TBL1X: variants seen among roughly 807,000 people sequenced by gnomAD.
The protein encoded by TBL1X is transducin beta like 1 X-linked, also known as F-box-like/WD repeat-containing protein TBL1X.
A neutral mutation model predicts 50.7 loss-of-function variants in TBL1X; 10 were observed. That is an observed-to-expected ratio of 0.20 (90% CI 0.12 to 0.33). TBL1X has a LOEUF of 0.33. Ranked by LOEUF, TBL1X falls within the 10% of genes least tolerant of loss-of-function variation. TBL1X has a pLI of 1.00. For synonymous variants in TBL1X, 190 were observed against 214.7 expected (o/e 0.88, Z 1.01); for missense variants, 340 against 504.4 (o/e 0.67, Z 3.12).
chrX:9,675,930 T>C lies in TBL1X; in HGVS notation c.212-8113T>C, dbSNP rs756246549. On this transcript the variant is annotated intron_variant, in intron 5 of 17. Transcript: ENST00000645353. ...AAAAGAAGAAAGTAATTAAGATACA[T>C]AGAGAAAAGGGACTGGAAGAAATCC... is the stretch of plus-strand genomic sequence containing the variant. Among the ~76,000 whole-genome samples the C allele has an allele frequency of 1.6e-4, 17 of 108,668 alleles. No individual in the cohort carries two copies. The East Asian group carries it at 4.9e-3, about 31-fold the overall frequency. The allele number at this position is 108,668 out of a possible 115,157, so 94.4% of individuals were successfully genotyped here.
chrX:9,637,454 A>G (rs958368558), intron 2 of TBL1X: 1 of 112,336 alleles, frequency 8.9e-6, no homozygotes, highest in African/African-American at 3.2e-5. Flanking sequence ...GATTGATTAT[A>G]TATGGTACAT....
chrX:9,586,559 T>C (rs756621248), intron 2 of TBL1X, among the ~76,000 whole-genome samples: 13 of 111,719 alleles, frequency 1.2e-4, no homozygotes, highest in African/African-American at 3.9e-4. Flanking sequence ...GTTCTGGAGA[T>C]TGGTTGCACA....
intron 2 of TBL1X, among the ~76,000 whole-genome samples, chrX:9,620,333 C>A (rs918113698): frequency 3.6e-5 from 4 of 112,648 alleles, no homozygotes; most frequent in Non-Finnish European, 7.5e-5. Context: ...ACTTACCAAG[C>A]TGTATTTTAA....
At chrX:9,499,718 G>A (rs1251715514) in intron 1 of TBL1X, among the ~76,000 whole-genome samples, 1 of 112,502 alleles carries the variant, frequency 8.9e-6, no homozygotes, top group Non-Finnish European at 1.9e-5. Context: ...GCTCATGCCT[G>A]TAATCCCAGC....
At chrX:9,641,846 C>G (rs968974700) in intron 3 of TBL1X, among the ~76,000 whole-genome samples, 3 of 111,985 alleles carry the variant, frequency 2.7e-5, no homozygotes, top group Non-Finnish European at 3.8e-5. Context: ...ATATTTGATT[C>G]ATGCATCAGT....
chrX:9,465,779 T>C (rs1046696252), intron 1 of TBL1X, among the ~76,000 whole-genome samples: 1 of 112,850 alleles, frequency 8.9e-6, no homozygotes, highest in African/African-American at 3.2e-5. Context: ...GCTCGGCTTT[T>C]CCTCCGGTGC....
intron 2 of TBL1X, among the ~76,000 whole-genome samples, chrX:9,624,482 A>ATTATT (rs758064615): frequency 1.3e-4 from 15 of 111,991 alleles, no homozygotes; most frequent in South Asian, 7.4e-4. Flanking sequence ...CATTTAACCT[A>ATTATT]TTATTTTATT....
intron 2 of TBL1X, among the ~76,000 whole-genome samples, chrX:9,626,128 G>A (rs1168777253): frequency 9.0e-6 from 1 of 111,345 alleles, no homozygotes; most frequent in Non-Finnish European, 1.9e-5. Flanking sequence ...CTAAACTCAT[G>A]TAACACGAAG....
chrX:9,504,949 G>C (rs1287040501), intron 2 of TBL1X, among the ~76,000 whole-genome samples: 2 of 111,375 alleles, frequency 1.8e-5, no homozygotes, highest in African/African-American at 6.5e-5. Context: ...GCAAATTCAG[G>C]AAATACTGGG....
chrX:9,636,485 A>AAACAACAACAACAACAACAACAACAAC (rs60010378), intron 2 of TBL1X: 2 of 101,524 alleles, frequency 2.0e-5, no homozygotes, highest in Non-Finnish European at 4.0e-5. Flanking sequence ...AAACAAAGCA[A>AAACAACAACAACAACAACAACAACAAC]AACAACAACA....
At chrX:9,688,498 C>T (rs2083075817) in intron 7 of TBL1X, among the ~76,000 whole-genome samples, 1 of 112,361 alleles carries the variant, frequency 8.9e-6, no homozygotes, top group African/African-American at 3.2e-5. Context: ...TTTAGGAAAT[C>T]GTGCTGCGCC....
intron 5 of TBL1X, among the ~76,000 whole-genome samples, chrX:9,679,309 G>A (rs936788402): frequency 9.0e-6 from 1 of 110,618 alleles, no homozygotes; most frequent in Admixed American, 9.7e-5. Context: ...GGTAGAGGCC[G>A]GGGGTGCTGC....
At chrX:9,594,977 T>C (rs915520850) in intron 2 of TBL1X, among the ~76,000 whole-genome samples, 2 of 112,137 alleles carry the variant, frequency 1.8e-5, no homozygotes, top group East Asian at 5.6e-4. Flanking sequence ...GTAGCGATCT[T>C]GGAGGTTTCA....
chrX:9,566,076 T>C (rs1439349851), intron 2 of TBL1X, among the ~76,000 whole-genome samples: 2 of 112,424 alleles, frequency 1.8e-5, no homozygotes, highest in Admixed American at 1.9e-4. Flanking sequence ...GTATAGGATA[T>C]ACTATCTGTA....
chrX:9,555,291 G>A (rs1440817152), intron 2 of TBL1X, among the ~76,000 whole-genome samples: 1 of 111,075 alleles, frequency 9.0e-6, no homozygotes. Flanking sequence ...TGCCTAGGCT[G>A]GTCTTTTGAA....
chrX:9,630,924 C>T (rs2082718025), intron 2 of TBL1X, among the ~76,000 whole-genome samples: 1 of 111,768 alleles, frequency 8.9e-6, no homozygotes, highest in South Asian at 3.7e-4. Context: ...ATACAGAGGG[C>T]TGGCTGTTCA....
At chrX:9,581,933 T>C (rs148447695) in intron 2 of TBL1X, among the ~76,000 whole-genome samples, 3,545 of 112,194 alleles carry the variant, frequency 0.032, 128 homozygotes, top group African/African-American at 0.11. Flanking sequence ...TGAAGAATGC[T>C]GACTCAGGCT....
intron 2 of TBL1X, among the ~76,000 whole-genome samples, chrX:9,622,165 A>G (rs1201405805): frequency 9.1e-6 from 1 of 109,820 alleles, no homozygotes; most frequent in Non-Finnish European, 1.9e-5. Context: ...TTTCATTGCA[A>G]TTTTGTTTGT....
chrX:9,495,896 T>C (rs1183603519), intron 1 of TBL1X, among the ~76,000 whole-genome samples: 1 of 110,955 alleles, frequency 9.0e-6, no homozygotes, highest in Admixed American at 9.7e-5. Flanking sequence ...TGGGAACATG[T>C]GCATTTGGTG....
Sources: allele counts gnomAD v4.1 joint callset (sites outside exome capture counted in the v4.1 genomes callset), GRCh38; gene constraint gnomAD v4.1.1; transcripts MANE v1.5; gene names NCBI Gene and HGNC (gene_info 2026-07-23, HGNC 2026-07-21).